The following XKR6 variants were observed in gnomAD, a reference collection of about 807,000 sequenced individuals.
XKR6 encodes the protein XK related 6.
A neutral mutation model predicts 56.7 loss-of-function variants in XKR6; 22 were observed. The observed-to-expected ratio is 0.39, with a 90% CI of 0.28 to 0.55. XKR6 has a LOEUF of 0.55. XKR6 is among the 20% of genes least tolerant of loss of function. The pLI is 0.66. For synonymous variants in XKR6, 524 were observed against 387.8 expected, an observed-to-expected ratio of 1.35 and a Z score of -4.13; for missense variants, 852 against 889.0, an observed-to-expected ratio of 0.96 and a Z score of 0.53.
intron 1 of XKR6, among the ~76,000 whole-genome samples, chr8:11,132,131 T>G (rs1032694346): frequency 2.0e-5 from 3 of 152,030 alleles, no homozygotes; most frequent in Non-Finnish European, 2.9e-5. Flanking sequence ...GCCCTAAAAT[T>G]TGCATTCCTA....
At chr8:10,957,905 A>T (rs1227396737) in intron 1 of XKR6, among the ~76,000 whole-genome samples, 2 of 150,548 alleles carry the variant, frequency 1.3e-5, no homozygotes, top group Non-Finnish European at 2.9e-5. Flanking sequence ...GTGATTTTTT[A>T]AAAACTGAAT....
chr8:11,092,029 C>T (rs28449874), intron 1 of XKR6, among the ~76,000 whole-genome samples: 1 of 152,114 alleles, frequency 6.6e-6, no homozygotes, highest in South Asian at 2.1e-4. Flanking sequence ...GTGTAACACA[C>T]CCACTGGGGT....
chr8:10,998,084 C>T (rs1301883652), intron 1 of XKR6, among the ~76,000 whole-genome samples: 1 of 152,118 alleles, frequency 6.6e-6, no homozygotes, highest in Non-Finnish European at 1.5e-5. Flanking sequence ...GATTGGGGGT[C>T]ACCAGCTCAC....
intron 1 of XKR6, among the ~76,000 whole-genome samples, chr8:11,183,651 AG>A (rs1803114052): frequency 6.6e-6 from 1 of 152,124 alleles, no homozygotes; most frequent in African/African-American, 2.4e-5. Context: ...AAATTATTTA[AG>A]ATTACATCTG....
At chr8:11,095,346 A>G (rs550347243) in intron 1 of XKR6, among the ~76,000 whole-genome samples, 17 of 152,344 alleles carry the variant, frequency 1.1e-4, no homozygotes, top group African/African-American at 3.6e-4. Flanking sequence ...AATATATTGT[A>G]TCTTCTAAGT....
intron 1 of XKR6, among the ~76,000 whole-genome samples, chr8:10,938,511 C>T (rs969609611): frequency 3.3e-5 from 5 of 152,196 alleles, no homozygotes; most frequent in Non-Finnish European, 7.3e-5. Flanking sequence ...TGGAATACTA[C>T]TCAGGAATAA....
chr8:10,967,147 C>A (rs1048640421), intron 1 of XKR6, among the ~76,000 whole-genome samples: 1 of 152,200 alleles, frequency 6.6e-6, no homozygotes, highest in Non-Finnish European at 1.5e-5. Flanking sequence ...GATATAGAGA[C>A]CCCTCCTGCC....
intron 1 of XKR6, among the ~76,000 whole-genome samples, chr8:11,010,854 C>T (rs530610437): frequency 1.6e-3 from 239 of 152,148 alleles, no homozygotes; most frequent in African/African-American, 5.6e-3. Flanking sequence ...GAGCTCCCCA[C>T]CACAGTCGTG....
At chr8:10,915,079 T>TCCCTTCCCTTCTCTCTTCCC (rs1800519625) in intron 2 of XKR6, among the ~76,000 whole-genome samples, 1 of 152,224 alleles carries the variant, frequency 6.6e-6, no homozygotes, top group African/African-American at 2.4e-5. Context: ...TGGCTCTGCC[T>TCCCTTCCCTTCTCTCTTCCC]CCCTTCCCTT....
rs1799894438 is a variant in XKR6, at chr8:10,896,755, T to A, written c.*1197A>T. 7.9e-6 allele frequency: 1 copy of A among 127,300 alleles called. No homozygotes were observed. The highest frequency in any genetic ancestry group is 2.4e-4 in the South Asian group (1 of 4,196). 7.9% of individuals were successfully genotyped at this position (127,300 alleles called of 1,614,324 possible). A position where few individuals can be genotyped will look rare whatever the true frequency, so the allele number is the denominator to read the frequency against. ...ATATATATATATATTCTAGTTTTCC[T>A]CTTTGTGTTATTTTTTTTTTTAAAA... On this transcript the variant is annotated 3_prime_UTR_variant, in exon 3 of 3. Coordinates refer to ENST00000416569, the MANE Select transcript of XKR6 (RefSeq NM_173683.4).
At chr8:10,998,023 G>A (rs977851616) in intron 1 of XKR6, among the ~76,000 whole-genome samples, 1 of 152,146 alleles carries the variant, frequency 6.6e-6, no homozygotes, top group Admixed American at 6.5e-5. Context: ...AGCCACAGAG[G>A]AGAGGCAACA....
At chr8:11,044,869 C>T (rs780391672) in intron 1 of XKR6, among the ~76,000 whole-genome samples, 58 of 151,868 alleles carry the variant, frequency 3.8e-4, no homozygotes, top group South Asian at 1.0e-3. Flanking sequence ...CCACCCAACT[C>T]GGCCTCCCAA....
At chr8:11,185,867 T>C (rs893204273) in intron 1 of XKR6, among the ~76,000 whole-genome samples, 22 of 152,258 alleles carry the variant, frequency 1.4e-4, no homozygotes, top group Non-Finnish European at 2.9e-5. Flanking sequence ...GTATTTAGTA[T>C]GACTCACTCT....
At chr8:11,025,251 G>A (rs933373701) in intron 1 of XKR6, among the ~76,000 whole-genome samples, 9 of 152,272 alleles carry the variant, frequency 5.9e-5, no homozygotes, top group African/African-American at 2.2e-4. Context: ...ATGTCTACTC[G>A]AATAAAAACT....
rs202129114 is a variant in XKR6 at position 11,050,376 on chromosome 8, G to A, written c.765-125546C>T. Among the ~76,000 whole-genome samples the A allele has an allele frequency of 3.3e-5, 5 of 151,614 alleles. No individual in the cohort carries two copies. The East Asian group carries it at 5.9e-4, about 18-fold the overall frequency. On this transcript the variant is annotated intron_variant, in intron 1 of 2. Coordinates refer to ENST00000416569, the MANE Select transcript of XKR6 (RefSeq NM_173683.4). ...CAAGCCCCACGATCTCCTCATCAGT[G>A]TAAAATAAGGGGATGGGCCTGGATG... is the stretch of plus-strand genomic sequence containing the variant.
chr8:10,961,991 TC>T (rs2129130851), intron 1 of XKR6, among the ~76,000 whole-genome samples: 1 of 152,288 alleles, frequency 6.6e-6, no homozygotes, highest in African/African-American at 2.4e-5. Context: ...GTAAAAGCTA[TC>T]CCTTTTATTT....
chr8:11,024,627 C>A (rs1026288815), intron 1 of XKR6, among the ~76,000 whole-genome samples: 2 of 152,202 alleles, frequency 1.3e-5, no homozygotes, highest in Non-Finnish European at 2.9e-5. Context: ...AGAACTATGC[C>A]CATGAGGCCG....
chr8:11,180,398 T>C (rs1014136321), intron 1 of XKR6, among the ~76,000 whole-genome samples: 1 of 152,166 alleles, frequency 6.6e-6, no homozygotes, highest in South Asian at 2.1e-4. Flanking sequence ...TCTCCTTGTA[T>C]CATAGTAAGT....
At chr8:10,967,943 C>G (rs887120267) in intron 1 of XKR6, among the ~76,000 whole-genome samples, 2 of 152,152 alleles carry the variant, frequency 1.3e-5, no homozygotes, top group Non-Finnish European at 2.9e-5. Context: ...ACCCCAGAGC[C>G]CTAGGAGATT....
Sources: gnomAD v4.1 joint callset for allele counts (sites outside exome capture counted in the v4.1 genomes callset) on GRCh38, gnomAD v4.1.1 for gene constraint, MANE v1.5 for transcripts, NCBI Gene and HGNC (gene_info 2026-07-23, HGNC 2026-07-21) for gene names.